The following PARD3B variants were observed in gnomAD, a reference collection of about 807,000 sequenced individuals.
The protein encoded by PARD3B is par-3 family cell polarity regulator beta.
In PARD3B, 103 loss-of-function variants were observed where a neutral mutation model predicts 130.2. The ratio of observed to expected loss-of-function variants is 0.79; its 90% CI spans 0.67 to 0.93. The LOEUF (loss-of-function observed/expected upper bound fraction) is 0.93, where lower values mean the gene tolerates loss of function less well. PARD3B is among the 40% of genes least tolerant of loss of function. PARD3B has a pLI of 0.00. For synonymous variants in PARD3B, 583 were observed against 553.2 expected (o/e 1.05, Z -0.76); for missense variants, 1,609 against 1,499.2 (o/e 1.07, Z -1.21).
At chr2:205,451,741 C>T (rs901630101) in intron 20 of PARD3B, among the ~76,000 whole-genome samples, 8 of 150,588 alleles carry the variant, frequency 5.3e-5, no homozygotes, top group Non-Finnish European at 3.0e-5. Flanking sequence ...TATTTTGATA[C>T]AGGCATACAA....
intron 2 of PARD3B, among the ~76,000 whole-genome samples, chr2:204,871,691 T>C (rs1393910250): frequency 6.6e-6 from 1 of 152,150 alleles, no homozygotes; most frequent in African/African-American, 2.4e-5. Flanking sequence ...GCTTGCATAA[T>C]AGTTTCATTT....
chr2:205,449,285 AGTGGCGCGATCTCAGCTCACT>A (rs2048017910), intron 20 of PARD3B, among the ~76,000 whole-genome samples: 1 of 150,224 alleles, frequency 6.7e-6, no homozygotes, highest in Non-Finnish European at 1.5e-5. Flanking sequence ...GCTAGAATGC[AGTGGCGCGATCTCAGCTCACT>A]GCTACCTCCA....
At chr2:205,050,189 T>A (rs979038213) in intron 4 of PARD3B, among the ~76,000 whole-genome samples, 1 of 148,100 alleles carries the variant, frequency 6.8e-6, no homozygotes. Flanking sequence ...TAATATATAT[T>A]AATATATAAA....
chr2:204,941,843 T>TAC (rs1361626250), intron 2 of PARD3B, among the ~76,000 whole-genome samples: 2 of 150,972 alleles, frequency 1.3e-5, no homozygotes, highest in Non-Finnish European at 3.0e-5. Context: ...AGTGTGTGTG[T>TAC]ATATATATAT....
chr2:204,944,740 C>T (rs796320457), intron 2 of PARD3B, among the ~76,000 whole-genome samples: 1 of 151,988 alleles, frequency 6.6e-6, no homozygotes, highest in Non-Finnish European at 1.5e-5. Flanking sequence ...TTTTGGTTGC[C>T]GACGGAGTGA....
rs761521464 is a variant in PARD3B at position 204,799,558 on chromosome 2, G to A, written c.222+113276G>A. ...AGACAGTGGTCACTGTGGGTCTTTG[G>A]AGAGACCCAGTGCTATGCTGGCTTC... On this transcript the variant is annotated intron_variant, in intron 2 of 22. Transcript: ENST00000406610. This position sits in a 1 kb window ranked among gnomAD's most constrained non-coding sequence, Gnocchi z 4.1. Among the ~76,000 whole-genome samples, 22 of 152,172 alleles carry A rather than the reference G, an allele frequency of 1.4e-4. No individual in the cohort carries two copies. The highest frequency in any genetic ancestry group is 4.6e-4 in the African/African-American group (19 of 41,444).
At chr2:204,922,109 T>C (rs1418630182) in intron 2 of PARD3B, among the ~76,000 whole-genome samples, 1 of 152,128 alleles carries the variant, frequency 6.6e-6, no homozygotes, top group Non-Finnish European at 1.5e-5. Flanking sequence ...ATGCTGAATT[T>C]GAGCTTCCCA....
chr2:205,556,325 T>C (rs1184142366), intron 22 of PARD3B, among the ~76,000 whole-genome samples: 1 of 152,148 alleles, frequency 6.6e-6, no homozygotes, highest in Non-Finnish European at 1.5e-5. Flanking sequence ...TTCAATAACA[T>C]TGATTTCTAT....
intron 15 of PARD3B, among the ~76,000 whole-genome samples, chr2:205,206,980 C>T (rs1459228950): frequency 2.0e-5 from 3 of 147,536 alleles, no homozygotes; most frequent in Admixed American, 6.7e-5. Flanking sequence ...AAGCTCTCCT[C>T]AGCAAATGTA....
At chr2:204,582,851 T>C (rs2032634137) in intron 1 of PARD3B, among the ~76,000 whole-genome samples, 1 of 152,208 alleles carries the variant, frequency 6.6e-6, no homozygotes, top group African/African-American at 2.4e-5. Context: ...TATCTCATAG[T>C]GGTTTTGATT....
intron 2 of PARD3B, among the ~76,000 whole-genome samples, chr2:204,706,170 A>G (rs1016934285): frequency 1.3e-5 from 2 of 152,114 alleles, no homozygotes; most frequent in Non-Finnish European, 2.9e-5. Flanking sequence ...GATCGAGACC[A>G]TGCTGGCTAA....
At chr2:204,806,898 T>A (rs1421846319) in intron 2 of PARD3B, among the ~76,000 whole-genome samples, 9 of 152,186 alleles carry the variant, frequency 5.9e-5, no homozygotes, top group African/African-American at 2.2e-4. Flanking sequence ...GTGCTCAACA[T>A]CATTGCATTA....
chr2:205,607,730 A>G (rs1456224230), intron 22 of PARD3B, among the ~76,000 whole-genome samples: 1 of 152,072 alleles, frequency 6.6e-6, no homozygotes, highest in Non-Finnish European at 1.5e-5. Context: ...CCCTGCACTT[A>G]CATTTCTGCT....
At chr2:205,324,974 GA>G (rs2042889786) in intron 18 of PARD3B, among the ~76,000 whole-genome samples, 1 of 152,174 alleles carries the variant, frequency 6.6e-6, no homozygotes, top group African/African-American at 2.4e-5. Flanking sequence ...CACCTGTGAA[GA>G]CCAATCCATC....
At chr2:205,611,051 C>T (rs1308686201) in intron 22 of PARD3B, among the ~76,000 whole-genome samples, 3 of 152,172 alleles carry the variant, frequency 2.0e-5, no homozygotes, top group Admixed American at 2.0e-4. Flanking sequence ...CAGTTCCTTC[C>T]TTCAAGATGC....
chr2:204,986,063 T>G (rs1377950372), intron 3 of PARD3B, among the ~76,000 whole-genome samples: 4 of 127,830 alleles, frequency 3.1e-5, no homozygotes, highest in African/African-American at 8.9e-5. Flanking sequence ...ATAGTGCCAT[T>G]GCATTCCAGC....
chr2:205,044,572 C>T (rs1398907049), intron 3 of PARD3B, among the ~76,000 whole-genome samples: 4 of 151,096 alleles, frequency 2.6e-5, no homozygotes, highest in East Asian at 3.9e-4. Flanking sequence ...GTGAGCATTT[C>T]TTCATGTGTT....
chr2:204,884,553 A>G (rs906338885), intron 2 of PARD3B, among the ~76,000 whole-genome samples: 13 of 152,140 alleles, frequency 8.5e-5, no homozygotes, highest in African/African-American at 3.1e-4. Flanking sequence ...AGATCAACCC[A>G]TCACCCAGAT....
intron 3 of PARD3B, among the ~76,000 whole-genome samples, chr2:205,046,658 G>C (rs1698807836): frequency 1.3e-5 from 2 of 152,066 alleles, no homozygotes; most frequent in South Asian, 4.1e-4. Flanking sequence ...TCAGAGGTTT[G>C]GGGAATCATT....
Sources: gnomAD v4.1 joint callset for allele counts (sites outside exome capture counted in the v4.1 genomes callset) on GRCh38, gnomAD v4.1.1 for gene constraint, Gnocchi (gnomAD v3.1) non-coding constraint, MANE v1.5 for transcripts, NCBI Gene and HGNC (gene_info 2026-07-23, HGNC 2026-07-21) for gene names.